Variants in AGBL4 observed in about 807,000 individuals in gnomAD.
AGBL4 encodes the protein cytosolic carboxypeptidase 6.
A neutral mutation model predicts 66.4 loss-of-function variants in AGBL4; 58 were observed. The ratio of observed to expected loss-of-function variants is 0.87; its 90% CI spans 0.71 to 1.09. AGBL4 has a LOEUF of 1.09. Ranked by LOEUF, AGBL4 falls within the 50% of genes least tolerant of loss-of-function variation. AGBL4 has a pLI of 0.00. For missense variants in AGBL4, 579 were observed against 631.0 expected (o/e 0.92, Z 0.88); for synonymous variants, 234 against 222.9 (o/e 1.05, Z -0.44).
chr1:49,559,445 C>G (rs1447471399), intron 3 of AGBL4, among the ~76,000 whole-genome samples: 1 of 152,126 alleles, frequency 6.6e-6, no homozygotes, highest in East Asian at 1.9e-4. Flanking sequence ...TTGAAGGATG[C>G]AAAGTATTGT....
chr1:49,741,538 T>C (rs1280153242), intron 2 of AGBL4, among the ~76,000 whole-genome samples: 2 of 152,202 alleles, frequency 1.3e-5, no homozygotes, highest in Non-Finnish European at 2.9e-5. Context: ...GAATCCTCCC[T>C]AACTCATATG....
intron 3 of AGBL4, among the ~76,000 whole-genome samples, chr1:49,644,023 AAGAC>A (rs1645835953): frequency 6.6e-6 from 1 of 151,692 alleles, no homozygotes; most frequent in Admixed American, 6.6e-5. Flanking sequence ...ATAACACAGA[AAGAC>A]AGAATATATG....
At chr1:48,765,045 T>C (rs993527316) in intron 6 of AGBL4, among the ~76,000 whole-genome samples, 8 of 152,240 alleles carry the variant, frequency 5.3e-5, no homozygotes, top group East Asian at 1.9e-4. Flanking sequence ...TTCTTTCTTA[T>C]GTGCTAGACA....
At chr1:49,557,956 T>C (rs1170484974) in intron 3 of AGBL4, among the ~76,000 whole-genome samples, 1 of 151,654 alleles carries the variant, frequency 6.6e-6, no homozygotes, top group Non-Finnish European at 1.5e-5. Flanking sequence ...CATAGCATAA[T>C]AGGGCACCAG....
chr1:49,676,932 T>C (rs1646591175), intron 3 of AGBL4, among the ~76,000 whole-genome samples: 1 of 152,108 alleles, frequency 6.6e-6, no homozygotes, highest in South Asian at 2.1e-4. Context: ...AGGGAATCAT[T>C]TAAGAATGCC....
At chr1:48,708,096 T>C (rs1261155839) in intron 6 of AGBL4, among the ~76,000 whole-genome samples, 1 of 152,148 alleles carries the variant, frequency 6.6e-6, no homozygotes, top group Non-Finnish European at 1.5e-5. Context: ...CAAGGTAACA[T>C]GGGATTTTCC....
At chr1:49,072,659 C>G (rs1644631004) in intron 4 of AGBL4, among the ~76,000 whole-genome samples, 1 of 152,170 alleles carries the variant, frequency 6.6e-6, no homozygotes, top group African/African-American at 2.4e-5. Flanking sequence ...ACCTTTCTCT[C>G]TGGCTGCCCT....
chr1:49,346,970 A>G (rs1645643741), intron 3 of AGBL4, among the ~76,000 whole-genome samples: 1 of 152,236 alleles, frequency 6.6e-6, no homozygotes, highest in South Asian at 2.1e-4. Context: ...GAGCAAACCT[A>G]GGATTTAAGA....
At chr1:49,220,096 A>G (rs1401435392) in intron 4 of AGBL4, among the ~76,000 whole-genome samples, 1 of 152,156 alleles carries the variant, frequency 6.6e-6, no homozygotes, top group African/African-American at 2.4e-5. Context: ...CTTGATTACA[A>G]TGTCTCAGAT....
chr1:49,457,066 T>G (rs972306310), intron 3 of AGBL4, among the ~76,000 whole-genome samples: 2 of 151,838 alleles, frequency 1.3e-5, no homozygotes, highest in Non-Finnish European at 2.9e-5. Context: ...TTATTATGAC[T>G]TCTCTTCCTC....
intron 4 of AGBL4, among the ~76,000 whole-genome samples, chr1:49,108,429 G>C (rs1285713470): frequency 1.3e-5 from 2 of 152,204 alleles, no homozygotes. Flanking sequence ...CAGGTAAGGA[G>C]AAGGGAAAGG....
chr1:48,879,073 C>G lies in AGBL4; in HGVS notation c.595-11843G>C, dbSNP rs574389468. Among the ~76,000 whole-genome samples the G allele has an allele frequency of 2.6e-5, 4 of 152,166 alleles. No homozygotes were observed. The East Asian group carries it at 7.7e-4, about 29-fold the overall frequency. ...AGGTATTGTTGCTTGAAAAATGGAA[C>G]TGTCTAAATTAATTTTCCTGAAACA... On this transcript the variant is annotated intron_variant, in intron 5 of 13. Transcript: ENST00000371839.
At chr1:49,862,426 A>G (rs1167096154) in intron 1 of AGBL4, among the ~76,000 whole-genome samples, 2 of 152,106 alleles carry the variant, frequency 1.3e-5, no homozygotes, top group East Asian at 3.9e-4. Flanking sequence ...TTAAGAGATA[A>G]TGGCCTTAAA....
At chr1:49,916,690 C>A (rs915781245) in intron 1 of AGBL4, among the ~76,000 whole-genome samples, 1 of 152,132 alleles carries the variant, frequency 6.6e-6, no homozygotes, top group African/African-American at 2.4e-5. Context: ...ACTTCCCCAA[C>A]CTAGCAAGGC....
rs951077607 is a variant in AGBL4 at position 49,143,165 on chromosome 1, C to T, written c.378-97365G>A. Among the ~76,000 whole-genome samples the T allele has an allele frequency of 3.3e-5, 5 of 152,116 alleles. No individual in the cohort carries two copies. The South Asian group carries it at 6.2e-4, about 19-fold the overall frequency. On this transcript the variant is annotated intron_variant, in intron 4 of 13. Transcript: ENST00000371839. The stretch of plus-strand genomic sequence containing the variant: ...TACTTTATCTATAGCCTTATCTCTC[C>T]CCATGTCCTATTCATTAATTTAAGG...
intron 6 of AGBL4, among the ~76,000 whole-genome samples, chr1:48,794,480 T>A (rs895343217): frequency 6.6e-6 from 1 of 152,176 alleles, no homozygotes; most frequent in African/African-American, 2.4e-5. Context: ...ATTATAAACA[T>A]CCACTCACCT....
intron 3 of AGBL4, among the ~76,000 whole-genome samples, chr1:49,458,941 T>C (rs374009438): frequency 6.6e-6 from 1 of 151,844 alleles, no homozygotes; most frequent in African/African-American, 2.4e-5. Flanking sequence ...TCTTTTTGTT[T>C]TGTTGTTGGA....
intron 3 of AGBL4, among the ~76,000 whole-genome samples, chr1:49,615,314 A>C (rs1645230305): frequency 6.6e-6 from 1 of 152,166 alleles, no homozygotes; most frequent in Non-Finnish European, 1.5e-5. Context: ...AGAAAAGAGA[A>C]TATACTTCAG....
At position 48,908,103 on chromosome 1, in the gene AGBL4, C is replaced by T. The variant is rs1341267695; in HGVS notation, c.595-40873G>A. Among the ~76,000 whole-genome samples the T allele has an allele frequency of 2.0e-5, 3 of 152,304 alleles. No individual in the cohort carries two copies. The East Asian group carries it at 5.8e-4, about 29-fold the overall frequency. ...GCAGTTCTCTCTTCTAAGAGGCACT[C>T]CTAAGACTCCCTGTTCCTTTTGGGA... On this transcript the variant is annotated intron_variant, in intron 5 of 13. Coordinates refer to ENST00000371839, the MANE Select transcript of AGBL4 (RefSeq NM_032785.4).
Sources: gnomAD v4.1 joint callset for allele counts (sites outside exome capture counted in the v4.1 genomes callset) on GRCh38, gnomAD v4.1.1 for gene constraint, MANE v1.5 for transcripts, NCBI Gene and HGNC (gene_info 2026-07-23, HGNC 2026-07-21) for gene names.